Variants in TRABD2B observed in about 807,000 individuals in gnomAD.
The protein encoded by TRABD2B is metalloprotease TIKI2.
A neutral mutation model predicts 40.1 loss-of-function variants in TRABD2B; 14 were observed. The observed-to-expected ratio is 0.35, with a 90% CI of 0.23 to 0.55. TRABD2B has a LOEUF of 0.55. Ranked by LOEUF, TRABD2B falls within the 20% of genes least tolerant of loss-of-function variation. The probability of loss-of-function intolerance (pLI) is 0.90; values close to 1 mark genes in which losing one functional copy is unlikely to be tolerated. For synonymous variants in TRABD2B, 263 were observed against 277.0 expected (o/e 0.95, Z 0.50); for missense variants, 541 against 648.6 (o/e 0.83, Z 1.80).
intron 2 of TRABD2B, among the ~76,000 whole-genome samples, chr1:47,967,336 A>AACAC (rs56776440): frequency 0.036 from 5,242 of 147,326 alleles, 277 homozygotes; most frequent in African/African-American, 0.12. Flanking sequence ...TAAGCAAGAA[A>AACAC]ACACACACAC....
intron 2 of TRABD2B, among the ~76,000 whole-genome samples, chr1:47,839,978 G>C (rs1009796604): frequency 1.3e-5 from 2 of 152,126 alleles, no homozygotes; most frequent in African/African-American, 4.8e-5. Context: ...GTAGGTCCAG[G>C]GTAGTGTGGA....
intron 2 of TRABD2B, among the ~76,000 whole-genome samples, chr1:47,916,085 G>A (rs1224680531): frequency 6.6e-6 from 1 of 151,342 alleles, no homozygotes; most frequent in Non-Finnish European, 1.5e-5. Flanking sequence ...ACAAGAGAGG[G>A]GAAGGCACCT....
At chr1:47,892,586 C>A (rs1644463365) in intron 2 of TRABD2B, among the ~76,000 whole-genome samples, 1 of 152,050 alleles carries the variant, frequency 6.6e-6, no homozygotes, top group Non-Finnish European at 1.5e-5. Flanking sequence ...CTGGGACCCT[C>A]CAGAGTTTAG....
chr1:47,794,789 AGTT>A, intron 3 of TRABD2B, 29 bp from the exon 4 acceptor site: 1 of 982,836 alleles, frequency 1.0e-6, no homozygotes, highest in Non-Finnish European at 1.3e-6. Context: ...GGCTGCCTTC[AGTT>A]TTTTTTTTTT....
At position 47,778,461 on chromosome 1, in the gene TRABD2B, T is replaced by C. The variant is rs1266942874; in HGVS notation, c.1072A>G (p.Ile358Val). 2 of 1,535,820 alleles carry C rather than the reference T, an allele frequency of 1.3e-6. No individual in the cohort carries two copies. Among genetic ancestry groups the C allele is most frequent in the Non-Finnish European group, 1.7e-6 (2 of 1,146,706 alleles). Residue 358 changes from isoleucine (I) to valine (V), a missense_variant, in exon 5 of 7, where the codon ATA becomes GTA. Coordinates refer to ENST00000606738, the MANE Select transcript of TRABD2B (RefSeq NM_001194986.2). ...EVDHTPAGQA[I>V]HSPAPQSPAP... ...CACCCAGATGTGGCTTACCTGTGTATGGCCTGCCCGGCGGGTGTGTGGTCC... is the reference window on the plus strand; with the variant it reads ...CACCCAGATGTGGCTTACCTGTGTACGGCCTGCCCGGCGGGTGTGTGGTCC...
chr1:47,927,098 A>G (rs1279571044), intron 2 of TRABD2B, among the ~76,000 whole-genome samples: 1 of 152,212 alleles, frequency 6.6e-6, no homozygotes, highest in Non-Finnish European at 1.5e-5. Flanking sequence ...TGGAGGGTCT[A>G]GCAGGACTAA....
chr1:47,804,351 A>T (rs1328069926), intron 2 of TRABD2B, among the ~76,000 whole-genome samples: 1 of 152,236 alleles, frequency 6.6e-6, no homozygotes, highest in Non-Finnish European at 1.5e-5. Flanking sequence ...GGCAACAGGC[A>T]CTTCCTCCCA....
intron 2 of TRABD2B, among the ~76,000 whole-genome samples, chr1:47,810,153 TGCGC>T (rs3034532): frequency 1.3e-5 from 2 of 151,168 alleles, no homozygotes; most frequent in Admixed American, 6.6e-5. Flanking sequence ...TGTGTGTGTG[TGCGC>T]GCGCGCGCGC....
chr1:47,896,545 A>T (rs778473391), intron 2 of TRABD2B, among the ~76,000 whole-genome samples: 26 of 152,334 alleles, frequency 1.7e-4, no homozygotes, highest in Non-Finnish European at 3.2e-4. Flanking sequence ...AGATATTAGG[A>T]TCTGCTTCCC....
intron 2 of TRABD2B, among the ~76,000 whole-genome samples, chr1:47,901,347 G>A (rs1300848883): frequency 1.3e-5 from 2 of 152,222 alleles, no homozygotes; most frequent in African/African-American, 4.8e-5. Flanking sequence ...ATCTCACAGA[G>A]GAAAGGAAGT....
At chr1:47,815,841 A>AGC (rs1557589166) in intron 2 of TRABD2B, among the ~76,000 whole-genome samples, 2 of 129,252 alleles carry the variant, frequency 1.5e-5, no homozygotes, top group East Asian at 4.0e-4. Flanking sequence ...AGATAGATAG[A>AGC]TAGATAGATA....
chr1:47,939,137 C>T (rs1207159888), intron 2 of TRABD2B, among the ~76,000 whole-genome samples: 3 of 151,918 alleles, frequency 2.0e-5, no homozygotes, highest in East Asian at 3.9e-4. Context: ...ATGCCAACCC[C>T]CCCACCCCCA....
intron 2 of TRABD2B, among the ~76,000 whole-genome samples, chr1:47,982,078 G>A (rs1447287478): frequency 3.3e-5 from 5 of 152,152 alleles, no homozygotes. Context: ...AATGAATACA[G>A]TCAGACATTA....
intron 6 of TRABD2B, among the ~76,000 whole-genome samples, chr1:47,768,359 G>A (rs1644333541): frequency 6.6e-6 from 1 of 152,024 alleles, no homozygotes; most frequent in Admixed American, 6.5e-5. Context: ...GGCTTCCAAT[G>A]TCCCTTACAC....
intron 2 of TRABD2B, among the ~76,000 whole-genome samples, chr1:47,991,058 A>T (rs1570429027): frequency 6.6e-6 from 1 of 151,784 alleles, no homozygotes; most frequent in Non-Finnish European, 1.5e-5. Context: ...CAGAAGAAAG[A>T]ACTAAGGAAT....
At chr1:47,956,727 C>G (rs1488918945) in intron 2 of TRABD2B, among the ~76,000 whole-genome samples, 1 of 152,238 alleles carries the variant, frequency 6.6e-6, no homozygotes, top group East Asian at 1.9e-4. Context: ...CTGGGTGGAG[C>G]CCACCACAGC....
chr1:47,986,353 G>A (rs866437322), intron 2 of TRABD2B, among the ~76,000 whole-genome samples: 11 of 152,170 alleles, frequency 7.2e-5, no homozygotes, highest in Admixed American at 6.5e-4. Flanking sequence ...AGCATCCAGA[G>A]CTGCCAACAC....
chr1:47,796,975 G>T (rs181280228), intron 3 of TRABD2B, among the ~76,000 whole-genome samples: 254 of 152,304 alleles, frequency 1.7e-3, no homozygotes, highest in African/African-American at 5.8e-3. Flanking sequence ...AAAATAATGT[G>T]AAAACTATGT....
rs1327961415 is a variant in TRABD2B at position 47,761,296 on chromosome 1, T to C, written c.*4606A>G. On this transcript the variant is annotated 3_prime_UTR_variant, in exon 7 of 7. Coordinates refer to ENST00000606738, the MANE Select transcript of TRABD2B (RefSeq NM_001194986.2). ...CCGATGCTCCCTGGAAAGAGCCAAG[T>C]AGGGGGTCAATCAGTTCTCGTGAAC... 3.3e-5 allele frequency: 5 copies of C among 152,320 alleles called. No homozygotes were observed. The highest frequency in any genetic ancestry group is 5.9e-5 in the Non-Finnish European group (4 of 68,136). 9.4% of individuals were successfully genotyped at this position (152,320 alleles called of 1,614,324 possible). A position where few individuals can be genotyped will look rare whatever the true frequency, so the allele number is the denominator to read the frequency against.
Sources: gnomAD v4.1 joint callset for allele counts (sites outside exome capture counted in the v4.1 genomes callset) on GRCh38, gnomAD v4.1.1 for gene constraint, MANE v1.5 for transcripts, NCBI Gene and HGNC (gene_info 2026-07-23, HGNC 2026-07-21) for gene names.